DNAH3: variants seen among roughly 807,000 people sequenced by gnomAD.
DNAH3 encodes the protein dynein axonemal heavy chain 3.
In DNAH3, 332 loss-of-function variants were observed where a neutral mutation model predicts 432.5. That is an observed-to-expected ratio of 0.77 (90% CI 0.70 to 0.84). The LOEUF (loss-of-function observed/expected upper bound fraction) is 0.84, where lower values mean the gene tolerates loss of function less well. DNAH3 is among the 40% of genes least tolerant of loss of function. The probability of loss-of-function intolerance (pLI) is 0.00; values close to 1 mark genes in which losing one functional copy is unlikely to be tolerated. For missense variants in DNAH3, 4,861 were observed against 5,114.0 expected (o/e 0.95, Z 1.51); for synonymous variants, 1,956 against 1,900.2 (o/e 1.03, Z -0.76).
intron 24 of DNAH3, among the ~76,000 whole-genome samples, chr16:21,063,185 C>G (rs568321282): frequency 4.5e-4 from 69 of 152,262 alleles, no homozygotes; most frequent in African/African-American, 1.6e-3. Flanking sequence ...TTTAGAATCA[C>G]CTGGGGAGCT....
intron 51 of DNAH3, among the ~76,000 whole-genome samples, chr16:20,974,579 G>GTTTTTTTTTTTTTT (rs752437227): frequency 4.9e-5 from 4 of 81,842 alleles, no homozygotes; most frequent in African/African-American, 1.5e-4. Flanking sequence ...GTTTTATAGT[G>GTTTTTTTTTTTTTT]TTTTTTTTTT....
chr16:20,965,721 T>C (rs1194826598), intron 52 of DNAH3, among the ~76,000 whole-genome samples: 1 of 152,182 alleles, frequency 6.6e-6, no homozygotes, highest in East Asian at 1.9e-4. Flanking sequence ...TTTATTCATT[T>C]ATTTATTTTG....
intron 23 of DNAH3, 75 bp downstream of exon 23, chr16:21,069,340 G>T: frequency 7.8e-7 from 1 of 1,288,070 alleles, no homozygotes; most frequent in Non-Finnish European, 1.1e-6. Context: ...AAGTTTCAAG[G>T]AAGGTGACTA....
chr16:20,994,518 A>G (rs2152684658), intron 44 of DNAH3, among the ~76,000 whole-genome samples: 1 of 152,310 alleles, frequency 6.6e-6, no homozygotes, highest in South Asian at 2.1e-4. Flanking sequence ...CATTTTAACC[A>G]TTTTTAAGTG....
intron 3 of DNAH3, among the ~76,000 whole-genome samples, chr16:21,142,635 T>C (rs11646163): frequency 0.027 from 4,121 of 150,986 alleles, 79 homozygotes; most frequent in Non-Finnish European, 0.041. Flanking sequence ...AGTCCACATA[T>C]AACAACAATA....
intron 16 of DNAH3, among the ~76,000 whole-genome samples, chr16:21,103,555 A>AACAC (rs140620471): frequency 6.6e-6 from 1 of 151,922 alleles, no homozygotes; most frequent in African/African-American, 2.4e-5. Flanking sequence ...CACACTCACA[A>AACAC]ACACACACAC....
chr16:20,933,286 A>C (rs775113312), exon 62 of DNAH3: 1 of 1,614,152 alleles, frequency 6.2e-7, no homozygotes, highest in Non-Finnish European at 8.5e-7. Flanking sequence ...CTCTGCGGGC[A>C]CTTGTTTTGT....
At chr16:21,130,357 A>G (rs1363641703) in intron 7 of DNAH3, among the ~76,000 whole-genome samples, 4 of 144,526 alleles carry the variant, frequency 2.8e-5, no homozygotes, top group Non-Finnish European at 6.0e-5. Context: ...CCCAGGCTGG[A>G]GTGCAGTGGC....
rs1031970844 is a variant in DNAH3 at position 21,085,542 on chromosome 16, A to G, written c.2877+1307T>C. ...GATTCCACCTCAAAAAAAAAAAAAA[A>G]AAAAAAGAAAAACAGAGGTCTACTC... On this transcript the variant is annotated intron_variant, in intron 19 of 61. Transcript: ENST00000261383. Among the ~76,000 whole-genome samples the G allele has an allele frequency of 6.6e-5, 10 of 151,642 alleles. No individual in the cohort carries two copies. The South Asian group carries it at 1.0e-3, about 16-fold the overall frequency.
At chr16:21,133,796 C>T (rs2092603849) in intron 7 of DNAH3, among the ~76,000 whole-genome samples, 1 of 152,186 alleles carries the variant, frequency 6.6e-6, no homozygotes, top group African/African-American at 2.4e-5. Context: ...TTAACAATTA[C>T]TGGTGCTTAA....
chr16:21,153,579 G>C (rs746115726), intron 1 of DNAH3, among the ~76,000 whole-genome samples: 1 of 152,192 alleles, frequency 6.6e-6, no homozygotes, highest in Non-Finnish European at 1.5e-5. Flanking sequence ...CTACAACGTG[G>C]AAGGTTTGTT....
At chr16:21,112,010 T>C (rs757064095) in exon 13 of DNAH3, 6 of 1,613,020 alleles carry the variant, frequency 3.7e-6, no homozygotes, top group South Asian at 1.1e-5. Flanking sequence ...AAATCATCAA[T>C]GTCATGATTT....
chr16:20,994,455 TA>T (rs111266590), intron 44 of DNAH3, among the ~76,000 whole-genome samples: 1 of 152,048 alleles, frequency 6.6e-6, no homozygotes, highest in Admixed American at 6.6e-5. Context: ...ATTAATTAAA[TA>T]AAAAAATAAA....
chr16:21,038,348 C>T (rs907259953), intron 33 of DNAH3, among the ~76,000 whole-genome samples: 1 of 152,080 alleles, frequency 6.6e-6, no homozygotes, highest in African/African-American at 2.4e-5. Flanking sequence ...GGCTCTATCT[C>T]TACAGAAAAA....
intron 56 of DNAH3, among the ~76,000 whole-genome samples, chr16:20,951,103 C>T (rs1221690636): frequency 2.0e-5 from 3 of 152,030 alleles, no homozygotes; most frequent in Non-Finnish European, 2.9e-5. Context: ...CATGACCCAC[C>T]GCACAGAGCC....
intron 50 of DNAH3, among the ~76,000 whole-genome samples, chr16:20,977,140 TGAGGTGGGCAGA>T (rs2085630430): frequency 6.6e-6 from 1 of 152,084 alleles, no homozygotes; most frequent in African/African-American, 2.4e-5. Context: ...TTTGGGAGGC[TGAGGTGGGCAGA>T]TCACTTGAGG....
At position 20,935,527 on chromosome 16, in the gene DNAH3, T is replaced by A; in HGVS notation, c.11860-42A>T. On this transcript the variant is annotated intron_variant, in intron 60 of 61. Coordinates refer to ENST00000261383, the Ensembl canonical transcript of DNAH3. ...ATCAAGATTCAAAATCAACAACACA[T>A]CAAAGATAGTTCAAATGCAAGTAAT... 2 of 1,594,348 alleles carry A rather than the reference T, an allele frequency of 1.3e-6. 1 individual carries two copies. Among genetic ancestry groups the A allele is most frequent in the Middle Eastern group, 3.3e-4 (2 of 6,022 alleles).
chr16:20,937,688 C>T (rs2083647310), intron 59 of DNAH3, among the ~76,000 whole-genome samples: 1 of 151,552 alleles, frequency 6.6e-6, no homozygotes, highest in Non-Finnish European at 1.5e-5. Context: ...GCCACTATGC[C>T]CACCTGATTT....
intron 49 of DNAH3, among the ~76,000 whole-genome samples, chr16:20,980,384 A>G (rs1206386817): frequency 2.3e-5 from 3 of 128,330 alleles, no homozygotes; most frequent in South Asian, 5.2e-4. Context: ...GTGGGGGGGG[A>G]GAGAGAGAGA....
Sources: allele counts gnomAD v4.1 joint callset (sites outside exome capture counted in the v4.1 genomes callset), GRCh38; gene constraint gnomAD v4.1.1; transcripts MANE v1.5; gene names NCBI Gene and HGNC (gene_info 2026-07-23, HGNC 2026-07-21).